CALCR: variants seen among roughly 807,000 people sequenced by gnomAD.
CALCR encodes calcitonin receptor.
CALCR carries 47 observed loss-of-function variants against 59.5 expected under a neutral mutation model. The ratio of observed to expected loss-of-function variants is 0.79; its 90% CI spans 0.63 to 1.01. CALCR has a LOEUF of 1.01. Among genes scored for constraint, CALCR ranks in the 50% least tolerant of loss-of-function variants. The probability of loss-of-function intolerance (pLI) is 0.00; values close to 1 mark genes in which losing one functional copy is unlikely to be tolerated. For synonymous variants in CALCR, 213 were observed against 211.3 expected, an observed-to-expected ratio of 1.01 and a Z score of -0.07; for missense variants, 566 against 597.1, an observed-to-expected ratio of 0.95 and a Z score of 0.54.
At chr7:93,564,567 C>T (rs1404573717) in intron 2 of CALCR, among the ~76,000 whole-genome samples, 1 of 152,138 alleles carries the variant, frequency 6.6e-6, no homozygotes, top group Non-Finnish European at 1.5e-5. Context: ...ATTCTCCTGC[C>T]TCAGCCTCCC....
chr7:93,503,161 C>T (rs1383440595), intron 2 of CALCR, among the ~76,000 whole-genome samples: 1 of 152,010 alleles, frequency 6.6e-6, no homozygotes, highest in Non-Finnish European at 1.5e-5. Context: ...AGCTGAAGCA[C>T]CCTCTGTGGA....
At chr7:93,446,945 T>G (rs1265061124) in intron 8 of CALCR, among the ~76,000 whole-genome samples, 2 of 152,040 alleles carry the variant, frequency 1.3e-5, no homozygotes, top group African/African-American at 4.8e-5. Flanking sequence ...TGAGTTATAC[T>G]CCATTTTATT....
intron 2 of CALCR, among the ~76,000 whole-genome samples, chr7:93,519,942 T>C (rs1396287944): frequency 6.6e-6 from 1 of 152,044 alleles, no homozygotes; most frequent in Non-Finnish European, 1.5e-5. Context: ...ATTAAACCTC[T>C]TTCCTCTATA....
chr7:93,554,945 G>A (rs1399239640), intron 2 of CALCR, among the ~76,000 whole-genome samples: 1 of 151,642 alleles, frequency 6.6e-6, no homozygotes, highest in Non-Finnish European at 1.5e-5. Flanking sequence ...TGAGAAAACT[G>A]AAGCATGAGA....
intron 3 of CALCR, among the ~76,000 whole-genome samples, chr7:93,483,454 TAGAC>T (rs879428306): frequency 0.067 from 6,188 of 92,224 alleles, 349 homozygotes; most frequent in African/African-American, 0.29. Flanking sequence ...GATAGATAGA[TAGAC>T]AGACAGATAG....
intron 2 of CALCR, among the ~76,000 whole-genome samples, chr7:93,490,626 A>C (rs1562994654): frequency 6.6e-6 from 1 of 151,914 alleles, no homozygotes; most frequent in Non-Finnish European, 1.5e-5. Flanking sequence ...ACAAGCAGAG[A>C]GCCAAATCAC....
At chr7:93,479,765 C>T (rs911292477) in intron 3 of CALCR, among the ~76,000 whole-genome samples, 1 of 151,400 alleles carries the variant, frequency 6.6e-6, no homozygotes, top group Non-Finnish European at 1.5e-5. Flanking sequence ...CACTCATATA[C>T]CTCTTTATCA....
chr7:93,543,849 A>C (rs1322366283), intron 2 of CALCR, among the ~76,000 whole-genome samples: 1 of 152,090 alleles, frequency 6.6e-6, no homozygotes, highest in Non-Finnish European at 1.5e-5. Context: ...ATTTTAAATT[A>C]TTGTTTAATT....
chr7:93,470,341 T>C (rs1370649525), intron 6 of CALCR, among the ~76,000 whole-genome samples: 1 of 151,750 alleles, frequency 6.6e-6, no homozygotes, highest in Non-Finnish European at 1.5e-5. Flanking sequence ...ACTTCACTTG[T>C]AGACAATATC....
intron 2 of CALCR, among the ~76,000 whole-genome samples, chr7:93,536,180 G>A (rs1023227729): frequency 2.6e-5 from 4 of 151,712 alleles, no homozygotes; most frequent in African/African-American, 9.7e-5. Context: ...AAGTGTAAGA[G>A]CATTTTTAAA....
intron 7 of CALCR, among the ~76,000 whole-genome samples, chr7:93,464,719 G>A (rs1320177657): frequency 6.6e-6 from 1 of 151,874 alleles, no homozygotes; most frequent in Non-Finnish European, 1.5e-5. Flanking sequence ...ATGATCAACA[G>A]TTATCTTTGG....
chr7:93,434,389 G>GA lies in CALCR; in HGVS notation c.1150-96dup, dbSNP rs200558502. On this transcript the variant is annotated intron_variant, in intron 12 of 13. Transcript: ENST00000426151. ...ATAGACTGCCCAGAGAAGGCCTGAT[G>GA]AAAAAAAAAAAAAGCAAGAAAAAGA... 100,971 of 492,844 alleles carry GA rather than the reference G, an allele frequency of 0.2. 3,746 individuals carry two copies. The highest frequency in any genetic ancestry group is 0.4 in the East Asian group (12,302 of 30,582). 30.5% of individuals were successfully genotyped at this position (492,844 alleles called of 1,614,324 possible). A position where few individuals can be genotyped will look rare whatever the true frequency, so the allele number is the denominator to read the frequency against.
intron 2 of CALCR, among the ~76,000 whole-genome samples, chr7:93,491,285 C>T (rs1417004803): frequency 1.3e-5 from 2 of 151,696 alleles, no homozygotes; most frequent in African/African-American, 4.8e-5. Context: ...TAAATAAAAA[C>T]CACAAACCAT....
chr7:93,473,244 C>G (rs10239336), intron 5 of CALCR, among the ~76,000 whole-genome samples: 7,615 of 151,858 alleles, frequency 0.05, 668 homozygotes, highest in African/African-American at 0.17. Context: ...AGGCACTGTG[C>G]TCAGCACTTT....
chr7:93,452,403 A>C (rs1644595467), intron 8 of CALCR, among the ~76,000 whole-genome samples: 1 of 152,022 alleles, frequency 6.6e-6, no homozygotes, highest in Non-Finnish European at 1.5e-5. Context: ...TGATAAACTA[A>C]GGGACAAAAA....
chr7:93,518,663 T>A (rs946241544), intron 2 of CALCR, among the ~76,000 whole-genome samples: 5 of 151,920 alleles, frequency 3.3e-5, no homozygotes, highest in African/African-American at 1.2e-4. Context: ...GGAGCAGTTT[T>A]AGAAACAGCA....
intron 13 of CALCR, 83 bp downstream of exon 13, chr7:93,434,165 GATGAA>G (rs2115682116): frequency 1.1e-6 from 1 of 900,450 alleles, no homozygotes; most frequent in Admixed American, 1.7e-5. Flanking sequence ...GTAGAAGTGA[GATGAA>G]ATGAAATTTG....
intron 3 of CALCR, among the ~76,000 whole-genome samples, chr7:93,480,238 G>A (rs560158111): frequency 2.1e-4 from 32 of 151,932 alleles, no homozygotes; most frequent in African/African-American, 7.7e-4. Context: ...AAGGTAATGT[G>A]GGTGTTTGAA....
intron 2 of CALCR, among the ~76,000 whole-genome samples, chr7:93,569,320 G>A (rs532763681): frequency 1.3e-5 from 2 of 152,152 alleles, no homozygotes; most frequent in East Asian, 1.9e-4. Context: ...TAGTATGGTA[G>A]GCATGCAAGC....
Sources: gnomAD v4.1 joint callset for allele counts (sites outside exome capture counted in the v4.1 genomes callset) on GRCh38, gnomAD v4.1.1 for gene constraint, MANE v1.5 for transcripts, NCBI Gene and HGNC (gene_info 2026-07-23, HGNC 2026-07-21) for gene names.